The following SYBU variants were observed in gnomAD, a reference collection of about 807,000 sequenced individuals.
SYBU encodes the protein GOLSYN A protein.
Under a neutral mutation model 35.9 loss-of-function variants are expected in SYBU, and 21 were observed. That is an observed-to-expected ratio of 0.58 (90% CI 0.41 to 0.84). SYBU has a LOEUF of 0.84. SYBU is among the 40% of genes least tolerant of loss of function. The probability of loss-of-function intolerance (pLI) is 0.00; values close to 1 mark genes in which losing one functional copy is unlikely to be tolerated. For synonymous variants in SYBU, 319 were observed against 324.3 expected, an observed-to-expected ratio of 0.98 and a Z score of 0.18; for missense variants, 768 against 848.2, an observed-to-expected ratio of 0.91 and a Z score of 1.17.
intron 2 of SYBU, among the ~76,000 whole-genome samples, chr8:109,632,603 G>C (rs1484492252): frequency 1.3e-5 from 2 of 151,972 alleles, no homozygotes; most frequent in African/African-American, 4.8e-5. Flanking sequence ...TTGAAAAAAG[G>C]AATTGTTTTA....
chr8:109,643,848 C>T (rs1296140262), intron 1 of SYBU, among the ~76,000 whole-genome samples: 2 of 152,202 alleles, frequency 1.3e-5, no homozygotes, highest in Non-Finnish European at 2.9e-5. Flanking sequence ...CAATTCTGCA[C>T]ACCATGCCAG....
chr8:109,608,259 C>T (rs549731006), intron 3 of SYBU, among the ~76,000 whole-genome samples: 1 of 152,140 alleles, frequency 6.6e-6, no homozygotes, highest in Non-Finnish European at 1.5e-5. Context: ...GAAGTAAATG[C>T]CTACACAACA....
At chr8:109,635,266 G>T (rs1401484883) in intron 2 of SYBU, among the ~76,000 whole-genome samples, 1 of 152,160 alleles carries the variant, frequency 6.6e-6, no homozygotes, top group African/African-American at 2.4e-5. Flanking sequence ...TAATCTTGCG[G>T]TGATACCTAA....
chr8:109,596,321 G>T (rs918146676), intron 3 of SYBU, among the ~76,000 whole-genome samples: 6 of 152,160 alleles, frequency 3.9e-5, no homozygotes, highest in African/African-American at 1.4e-4. Flanking sequence ...CCCATGCAAG[G>T]CTATCTTTAA....
intron 3 of SYBU, among the ~76,000 whole-genome samples, chr8:109,601,617 A>G (rs1825531321): frequency 6.6e-6 from 1 of 152,134 alleles, no homozygotes; most frequent in Admixed American, 6.5e-5. Flanking sequence ...AGGGCAGGGG[A>G]ATATGTCATG....
chr8:109,689,035 C>T (rs998964725), intron 1 of SYBU, among the ~76,000 whole-genome samples: 1 of 152,020 alleles, frequency 6.6e-6, no homozygotes, highest in African/African-American at 2.4e-5. Context: ...GTATGTATTA[C>T]ATACTTAGAA....
At chr8:109,645,213 T>C (rs1238633014), upstream of SYBU, 1 of 456,542 alleles carries the variant, frequency 2.2e-6, no homozygotes, top group Admixed American at 2.3e-5. Flanking sequence ...CACCCCTCCT[T>C]GGCCTCCAGG....
intron 2 of SYBU, among the ~76,000 whole-genome samples, chr8:109,621,377 T>C (rs1042980915): frequency 6.6e-6 from 1 of 152,176 alleles, no homozygotes; most frequent in Non-Finnish European, 1.5e-5. Context: ...TGGAGTGTGA[T>C]GCCTCACCTG....
At chr8:109,686,690 T>C (rs1430143838) in intron 1 of SYBU, among the ~76,000 whole-genome samples, 1 of 148,746 alleles carries the variant, frequency 6.7e-6, no homozygotes, top group Non-Finnish European at 1.5e-5. Flanking sequence ...TCACAGTTAA[T>C]AAGTTGAACC....
rs759235445 is a variant in SYBU at position 109,575,987 on chromosome 8, G to T, written c.911C>A (p.Ser304Tyr). ...GTCCTCTCGCATGCGGGCCAGCTGG[G>T]ACTTAAGCTCCACGATTTCACTTTC... ...ERESEIVELK[S>Y]QLARMREDWI... is the part of the protein sequence containing the mutation. The change falls in exon 7 of 7, where the codon TCC becomes TAC. Residue 304 changes from serine (S) to tyrosine (Y), a missense_variant. By Grantham distance (144) the Ser-to-Tyr change is moderately radical. Coordinates refer to ENST00000276646, the MANE Select transcript of SYBU (RefSeq NM_001099754.2). The T allele has an allele frequency of 2.5e-6, 4 of 1,600,424 alleles. No individual in the cohort carries two copies. Among genetic ancestry groups the T allele is most frequent in the Non-Finnish European group, 3.4e-6 (4 of 1,176,726 alleles).
intron 2 of SYBU, among the ~76,000 whole-genome samples, chr8:109,633,736 T>C (rs1813891885): frequency 6.6e-6 from 1 of 152,022 alleles, no homozygotes; most frequent in South Asian, 2.1e-4. Flanking sequence ...TCTTTTTTAT[T>C]ATTATTATTA....
rs1365265351 is a variant in SYBU, at chr8:109,584,192, A to T, written c.530+1868T>A. Among the ~76,000 whole-genome samples the T allele has an allele frequency of 2.6e-5, 4 of 152,156 alleles. No homozygotes were observed. On this transcript the variant is annotated intron_variant, in intron 4 of 6. Transcript: ENST00000276646. This position sits in a 1 kb window ranked among gnomAD's most constrained non-coding sequence, Gnocchi z 4.0. The stretch of plus-strand genomic sequence containing the variant: ...TTTTCCATCTATTAATTTTTGTTAA[A>T]CCTTTGAAGTCTATTATTGCTTGGC...
At chr8:109,664,866 G>A (rs1230768176) in intron 1 of SYBU, among the ~76,000 whole-genome samples, 1 of 152,142 alleles carries the variant, frequency 6.6e-6, no homozygotes, top group Non-Finnish European at 1.5e-5. Context: ...CCCTCCTTCT[G>A]GGGAAGCAGA....
rs1816881853 is a variant in SYBU, at chr8:109,669,281, G to T, written c.-129+11430C>A. 2.1e-5 allele frequency among the ~76,000 whole-genome samples: 3 copies of T among 145,190 alleles called. No homozygotes were observed. In the South Asian group the frequency reaches 6.8e-4, roughly 33 times the overall value. ...GGCGTGAGCCCAGGAGGCGGAGCTT[G>T]CAGTGAGCCGAGATCACGCCACTGC... On this transcript the variant is annotated intron_variant, in intron 1 of 5. Transcript: ENST00000408889.
intron 1 of SYBU, among the ~76,000 whole-genome samples, chr8:109,678,197 A>C (rs947674306): frequency 7.9e-5 from 12 of 151,410 alleles, no homozygotes; most frequent in African/African-American, 2.7e-4. Flanking sequence ...AAAAGAGTAA[A>C]AGTAAACTTT....
intron 3 of SYBU, among the ~76,000 whole-genome samples, chr8:109,591,580 C>T (rs573822543): frequency 7.5e-6 from 1 of 133,008 alleles, no homozygotes; most frequent in Non-Finnish European, 1.5e-5. Flanking sequence ...GGCGCAATCT[C>T]GGCTCACTGC....
chr8:109,649,927 C>T (rs567262154), intron 1 of SYBU, among the ~76,000 whole-genome samples: 1 of 152,314 alleles, frequency 6.6e-6, no homozygotes, highest in African/African-American at 2.4e-5. Flanking sequence ...ATTAGACAAT[C>T]TGTTGGTCTC....
intron 3 of SYBU, among the ~76,000 whole-genome samples, chr8:109,613,027 GA>G (rs1177759100): frequency 6.7e-6 from 1 of 148,862 alleles, no homozygotes; most frequent in African/African-American, 2.5e-5. Context: ...AAAAAGAAAG[GA>G]AAAAAAGCAC....
intron 3 of SYBU, among the ~76,000 whole-genome samples, chr8:109,614,911 G>C (rs1329574712): frequency 6.6e-6 from 1 of 152,210 alleles, no homozygotes; most frequent in Non-Finnish European, 1.5e-5. Flanking sequence ...AAACAGGAAG[G>C]GCTTTCCTGC....
Sources: allele counts gnomAD v4.1 joint callset (sites outside exome capture counted in the v4.1 genomes callset), GRCh38; gene constraint gnomAD v4.1.1; non-coding constraint Gnocchi (gnomAD v3.1); transcripts MANE v1.5; gene names NCBI Gene and HGNC (gene_info 2026-07-23, HGNC 2026-07-21).